The following SKAP1 variants were observed in gnomAD, a reference collection of about 807,000 sequenced individuals.
SKAP1 encodes src kinase associated phosphoprotein 1, also known as src kinase-associated phosphoprotein 1.
SKAP1 carries 44 observed loss-of-function variants against 58.5 expected under a neutral mutation model. The ratio of observed to expected loss-of-function variants is 0.75; its 90% CI spans 0.59 to 0.97. The LOEUF is 0.97. Among genes scored for constraint, SKAP1 ranks in the 50% least tolerant of loss-of-function variants. SKAP1 has a pLI of 0.00. For missense variants in SKAP1, 390 were observed against 435.2 expected, an observed-to-expected ratio of 0.90 and a Z score of 0.92; for synonymous variants, 127 against 149.7, an observed-to-expected ratio of 0.85 and a Z score of 1.11.
intron 4 of SKAP1, among the ~76,000 whole-genome samples, chr17:48,309,593 G>GTA (rs1182395356): frequency 1.3e-5 from 2 of 151,890 alleles, no homozygotes; most frequent in African/African-American, 4.8e-5. Context: ...ATATGTGTTG[G>GTA]TATATATATA....
chr17:48,268,165 GAGA>G (rs1214826353), intron 4 of SKAP1, among the ~76,000 whole-genome samples: 1 of 151,694 alleles, frequency 6.6e-6, no homozygotes, highest in Non-Finnish European at 1.5e-5. Flanking sequence ...TTATAAAAAT[GAGA>G]AGAAGATGCA....
intron 9 of SKAP1, among the ~76,000 whole-genome samples, chr17:48,178,607 G>A (rs1158852950): frequency 6.6e-6 from 1 of 152,142 alleles, no homozygotes; most frequent in Non-Finnish European, 1.5e-5. Context: ...ATCACTGCTC[G>A]TTGCTTTCTA....
At chr17:48,407,943 T>C (rs1453062025) in intron 1 of SKAP1, among the ~76,000 whole-genome samples, 1 of 151,302 alleles carries the variant, frequency 6.6e-6, no homozygotes, top group Non-Finnish European at 1.5e-5. Flanking sequence ...GGGAATCCAG[T>C]AAATGATAAA....
intron 4 of SKAP1, among the ~76,000 whole-genome samples, chr17:48,296,924 G>T (rs1456826416): frequency 6.6e-6 from 1 of 151,856 alleles, no homozygotes; most frequent in Non-Finnish European, 1.5e-5. Flanking sequence ...AAGTTGAACT[G>T]TAACCTCTCT....
intron 11 of SKAP1, among the ~76,000 whole-genome samples, chr17:48,142,798 C>T (rs187199211): frequency 1.3e-5 from 2 of 152,126 alleles, no homozygotes; most frequent in Non-Finnish European, 2.9e-5. Flanking sequence ...TCCTACACCA[C>T]ACCTTCTTTT....
At chr17:48,190,110 ATT>A (rs61267385) in intron 4 of SKAP1, among the ~76,000 whole-genome samples, 7 of 142,014 alleles carry the variant, frequency 4.9e-5, no homozygotes, top group Non-Finnish European at 4.6e-5. Flanking sequence ...AAAATTAAGA[ATT>A]TTTTTTTTTT....
At chr17:48,407,158 A>T (rs565134798) in intron 1 of SKAP1, among the ~76,000 whole-genome samples, 1 of 152,226 alleles carries the variant, frequency 6.6e-6, no homozygotes, top group Admixed American at 6.5e-5. Context: ...AGGAGAAAAC[A>T]GCCTATATAA....
At chr17:48,212,207 G>A (rs1202264126) in intron 4 of SKAP1, among the ~76,000 whole-genome samples, 6 of 152,000 alleles carry the variant, frequency 3.9e-5, no homozygotes, top group Non-Finnish European at 7.4e-5. Flanking sequence ...AATTCGTGGC[G>A]ATTAGAGGAA....
At chr17:48,225,798 A>T (rs2065061706) in intron 4 of SKAP1, among the ~76,000 whole-genome samples, 1 of 152,186 alleles carries the variant, frequency 6.6e-6, no homozygotes, top group Non-Finnish European at 1.5e-5. Flanking sequence ...ATACATCTGA[A>T]AGTGCAGTAA....
intron 1 of SKAP1, among the ~76,000 whole-genome samples, chr17:48,419,707 CTTAA>C (rs1392896395): frequency 6.6e-6 from 1 of 151,880 alleles, no homozygotes; most frequent in Non-Finnish European, 1.5e-5. Context: ...TATATAGTAC[CTTAA>C]TTAATTCCAG....
At chr17:48,153,003 A>C (rs866077477) in intron 11 of SKAP1, among the ~76,000 whole-genome samples, 1 of 145,410 alleles carries the variant, frequency 6.9e-6, no homozygotes, top group African/African-American at 2.6e-5. Flanking sequence ...ATTTTCCCCA[A>C]CTGAAAACTG....
intron 4 of SKAP1, among the ~76,000 whole-genome samples, chr17:48,214,991 G>T (rs914250697): frequency 1.8e-5 from 2 of 113,452 alleles, no homozygotes; most frequent in African/African-American, 6.0e-5. Flanking sequence ...CCACTATGTT[G>T]GTCAGGCTGG....
intron 3 of SKAP1, among the ~76,000 whole-genome samples, chr17:48,356,578 G>A (rs1270380255): frequency 1.3e-5 from 2 of 151,970 alleles, no homozygotes; most frequent in Admixed American, 1.3e-4. Context: ...CTGTGTGTGT[G>A]GCATATGTAT....
intron 1 of SKAP1, among the ~76,000 whole-genome samples, chr17:48,413,336 G>T (rs951104932): frequency 2.0e-5 from 3 of 150,862 alleles, no homozygotes; most frequent in Non-Finnish European, 4.4e-5. Flanking sequence ...CCAACATGGA[G>T]AAACCCTGTC....
chr17:48,265,501 A>AAGCAAGC (rs778727377), intron 4 of SKAP1, among the ~76,000 whole-genome samples: 3 of 148,424 alleles, frequency 2.0e-5, no homozygotes, highest in Admixed American at 6.7e-5. Context: ...AAAAAAAAAA[A>AAGCAAGC]AAGCAAGCAA....
intron 1 of SKAP1, among the ~76,000 whole-genome samples, chr17:48,407,891 T>G (rs1488506450): frequency 6.7e-6 from 1 of 149,348 alleles, no homozygotes; most frequent in African/African-American, 2.5e-5. Flanking sequence ...ATATAAATGC[T>G]ACATAAGTGT....
rs1247592742 is a variant in SKAP1 at position 48,426,072 on chromosome 17, C to G, written c.46+4003G>C. Among the ~76,000 whole-genome samples, 4 of 152,164 alleles carry G rather than the reference C, an allele frequency of 2.6e-5. No homozygotes were observed. In the South Asian group the frequency reaches 6.2e-4, roughly 24 times the overall value. On this transcript the variant is annotated intron_variant, in intron 1 of 12. Coordinates refer to ENST00000336915, the MANE Select transcript of SKAP1 (RefSeq NM_003726.4). ...GAAGAAAAGAGTGCTTAAAGAGAAT[C>G]TCCTCAGCTATCCAGAGCAACTCAT...
intron 4 of SKAP1, among the ~76,000 whole-genome samples, chr17:48,240,486 T>C (rs2065233797): frequency 6.6e-6 from 1 of 152,212 alleles, no homozygotes; most frequent in Admixed American, 6.5e-5. Flanking sequence ...TGTAGAACCC[T>C]GAGTTGCAGC....
At chr17:48,234,011 C>A (rs1042907501) in intron 4 of SKAP1, among the ~76,000 whole-genome samples, 8 of 152,152 alleles carry the variant, frequency 5.3e-5, no homozygotes, top group African/African-American at 7.2e-5. Flanking sequence ...CTATAACTAG[C>A]AATTTAATAA....
Sources: allele counts gnomAD v4.1 joint callset (sites outside exome capture counted in the v4.1 genomes callset), GRCh38; gene constraint gnomAD v4.1.1; transcripts MANE v1.5; gene names NCBI Gene and HGNC (gene_info 2026-07-23, HGNC 2026-07-21).